PPM1H: variants seen among roughly 807,000 people sequenced by gnomAD.
PPM1H encodes the protein protein phosphatase, Mg2+/Mn2+ dependent 1H.
Under a neutral mutation model 54.9 loss-of-function variants are expected in PPM1H, and 27 were observed. That is an observed-to-expected ratio of 0.49 (90% confidence interval 0.36 to 0.68). PPM1H has a LOEUF of 0.68. Among genes scored for constraint, PPM1H ranks in the 30% least tolerant of loss-of-function variants. PPM1H has a pLI of 0.00. For missense variants in PPM1H, 596 were observed against 667.8 expected, an observed-to-expected ratio of 0.89 and a Z score of 1.19; for synonymous variants, 305 against 270.8, an observed-to-expected ratio of 1.13 and a Z score of -1.24.
intron 4 of PPM1H, among the ~76,000 whole-genome samples, chr12:62,751,530 T>C (rs769241688): frequency 2.6e-5 from 4 of 152,218 alleles, no homozygotes; most frequent in Non-Finnish European, 5.9e-5. Flanking sequence ...TAAAATTCTA[T>C]GGTTGGAAAA....
intron 1 of PPM1H, among the ~76,000 whole-genome samples, chr12:62,838,339 G>GTT (rs1491147079): frequency 5.0e-5 from 4 of 80,112 alleles, no homozygotes; most frequent in African/African-American, 3.5e-4. Flanking sequence ...GTGTGTGTGT[G>GTT]GGGGGGGGGA....
At chr12:62,880,732 C>G (rs1250047775) in intron 1 of PPM1H, among the ~76,000 whole-genome samples, 1 of 152,228 alleles carries the variant, frequency 6.6e-6, no homozygotes, top group Non-Finnish European at 1.5e-5. Flanking sequence ...AGCTCCACCT[C>G]AAAACATTTC....
chr12:62,789,706 G>A (rs2076692967), intron 3 of PPM1H, among the ~76,000 whole-genome samples: 1 of 152,216 alleles, frequency 6.6e-6, no homozygotes, highest in Non-Finnish European at 1.5e-5. Context: ...GAGAAGTGGG[G>A]TAGCCTGCCC....
chr12:62,871,847 C>T (rs1037720007), intron 1 of PPM1H, among the ~76,000 whole-genome samples: 5 of 151,968 alleles, frequency 3.3e-5, no homozygotes, highest in East Asian at 1.9e-4. Flanking sequence ...GTGAACTGTA[C>T]GGCATATAAA....
intron 1 of PPM1H, among the ~76,000 whole-genome samples, chr12:62,874,701 A>C (rs1870100917): frequency 6.6e-6 from 1 of 152,210 alleles, no homozygotes; most frequent in Non-Finnish European, 1.5e-5. Context: ...CAAGACCCAA[A>C]GTGATAAACA....
chr12:62,787,388 GA>G (rs1188769484), intron 4 of PPM1H, among the ~76,000 whole-genome samples: 1 of 152,194 alleles, frequency 6.6e-6, no homozygotes, highest in African/African-American at 2.4e-5. Context: ...CAGTTCTTTG[GA>G]AAAGGCCCCA....
At chr12:62,871,446 T>C (rs1433728891) in intron 1 of PPM1H, among the ~76,000 whole-genome samples, 1 of 151,928 alleles carries the variant, frequency 6.6e-6, no homozygotes, top group Non-Finnish European at 1.5e-5. Context: ...TGATAAAAAG[T>C]TCTAGAATTA....
chr12:62,835,557 G>A (rs1394020926), intron 1 of PPM1H, among the ~76,000 whole-genome samples: 3 of 152,170 alleles, frequency 2.0e-5, no homozygotes, highest in Non-Finnish European at 4.4e-5. Flanking sequence ...CATGTTGAAC[G>A]TAGCTTATGA....
At chr12:62,659,762 T>G (rs941181811) in intron 9 of PPM1H, among the ~76,000 whole-genome samples, 2 of 152,208 alleles carry the variant, frequency 1.3e-5, no homozygotes, top group Non-Finnish European at 2.9e-5. Context: ...GAGATCCTGG[T>G]AAGACTCAAA....
chr12:62,906,169 TA>T lies in PPM1H; in HGVS notation c.245+28322del, dbSNP rs548129864. Reference sequence around the variant, plus strand: ...CTTTCTGGCTCCAATAAAGTTTCTGTAATTGTGGAAATGTACTAGTACTATA... The same window carrying T: ...CTTTCTGGCTCCAATAAAGTTTCTGTATTGTGGAAATGTACTAGTACTATA... On this transcript the variant is annotated intron_variant, in intron 1 of 9. Transcript: ENST00000228705. 1.1e-3 allele frequency among the ~76,000 whole-genome samples: 171 copies of T among 152,338 alleles called. 1 individual carries two copies. The highest frequency in any genetic ancestry group is 3.8e-3 in the African/African-American group (158 of 41,580).
chr12:62,887,341 T>A (rs894000625), intron 1 of PPM1H, among the ~76,000 whole-genome samples: 1 of 152,196 alleles, frequency 6.6e-6, no homozygotes, highest in African/African-American at 2.4e-5. Context: ...GTACTAGACT[T>A]TGGAATACAA....
intron 4 of PPM1H, among the ~76,000 whole-genome samples, chr12:62,780,256 T>A (rs2076633701): frequency 6.6e-6 from 1 of 152,182 alleles, no homozygotes; most frequent in Non-Finnish European, 1.5e-5. Flanking sequence ...TAAATACATT[T>A]AAAAAAATGT....
chr12:62,771,969 G>A (rs2076582212), intron 4 of PPM1H, among the ~76,000 whole-genome samples: 1 of 152,146 alleles, frequency 6.6e-6, no homozygotes, highest in Non-Finnish European at 1.5e-5. Flanking sequence ...GACTGAAAGG[G>A]ATAGGGATTG....
intron 5 of PPM1H, among the ~76,000 whole-genome samples, chr12:62,733,793 A>T (rs1208916016): frequency 6.6e-6 from 1 of 152,206 alleles, no homozygotes; most frequent in Non-Finnish European, 1.5e-5. Flanking sequence ...ACCTTTTAAA[A>T]ATTCAGACAT....
chr12:62,710,518 T>C (rs1304777681), intron 6 of PPM1H, among the ~76,000 whole-genome samples: 3 of 138,046 alleles, frequency 2.2e-5, no homozygotes, highest in Non-Finnish European at 4.6e-5. Flanking sequence ...GGCAACAGAG[T>C]GGAGTGAGAC....
rs545126206 is a variant in PPM1H, at chr12:62,890,884, C to T, written c.245+43608G>A. On this transcript the variant is annotated intron_variant, in intron 1 of 9. Coordinates refer to ENST00000228705, the MANE Select transcript of PPM1H (RefSeq NM_020700.2). ...CAGCACTTTGGGAGGCCAAGGCAGG[C>T]GGCTCACCTGAGGCAGGAGTTCAGG... Among the ~76,000 whole-genome samples, 12 of 151,996 alleles carry T rather than the reference C, an allele frequency of 7.9e-5. 1 individual carries two copies. The South Asian group carries it at 1.7e-3, about 21-fold the overall frequency.
chr12:62,918,439 AATAATG>A (rs1420789827), intron 1 of PPM1H, among the ~76,000 whole-genome samples: 1 of 152,346 alleles, frequency 6.6e-6, no homozygotes, highest in East Asian at 1.9e-4. Flanking sequence ...AAGGTGAAGC[AATAATG>A]CTTTTTAATC....
At chr12:62,729,558 C>T (rs924462223) in intron 5 of PPM1H, among the ~76,000 whole-genome samples, 2 of 152,222 alleles carry the variant, frequency 1.3e-5, no homozygotes, top group African/African-American at 4.8e-5. Context: ...ATTGAACACA[C>T]CTGTGTAGCT....
chr12:62,749,404 G>A (rs1040919292), intron 4 of PPM1H, among the ~76,000 whole-genome samples: 3 of 152,210 alleles, frequency 2.0e-5, no homozygotes, highest in African/African-American at 7.2e-5. Context: ...AAGGCACAGG[G>A]AGGAAACATC....
Sources: allele counts gnomAD v4.1 joint callset (sites outside exome capture counted in the v4.1 genomes callset), GRCh38; gene constraint gnomAD v4.1.1; transcripts MANE v1.5; gene names NCBI Gene and HGNC (gene_info 2026-07-23, HGNC 2026-07-21).